FNDC3A: variants seen among roughly 807,000 people sequenced by gnomAD.
FNDC3A encodes the protein fibronectin type III domain containing 3A.
A neutral mutation model predicts 148.9 loss-of-function variants in FNDC3A; 32 were observed. That is an observed-to-expected ratio of 0.21 (90% confidence interval 0.16 to 0.29). The LOEUF is 0.29. FNDC3A is among the 10% of genes least tolerant of loss of function. The pLI is 1.00. For synonymous variants in FNDC3A, 472 were observed against 473.6 expected, an observed-to-expected ratio of 1.00 and a Z score of 0.04; for missense variants, 1,191 against 1,452.8, an observed-to-expected ratio of 0.82 and a Z score of 2.93.
intron 3 of FNDC3A, among the ~76,000 whole-genome samples, chr13:49,112,875 C>T (rs1880665084): frequency 6.6e-6 from 1 of 152,026 alleles, no homozygotes; most frequent in Non-Finnish European, 1.5e-5. Context: ...TTCTGGACAA[C>T]TTCATGTATT....
intron 7 of FNDC3A, among the ~76,000 whole-genome samples, chr13:49,142,167 A>G (rs1319161668): frequency 6.6e-6 from 1 of 152,224 alleles, no homozygotes; most frequent in Non-Finnish European, 1.5e-5. Context: ...CTGTTCATGT[A>G]GAACTGTATC....
At chr13:49,184,787 CT>C (rs998459832) in intron 14 of FNDC3A, among the ~76,000 whole-genome samples, 7 of 152,178 alleles carry the variant, frequency 4.6e-5, no homozygotes, top group African/African-American at 1.7e-4. Flanking sequence ...CGACCTCCCC[CT>C]GTGCGGTCCC....
intron 3 of FNDC3A, chr13:49,095,607 A>T (rs961489026): frequency 6.6e-6 from 1 of 152,110 alleles, no homozygotes; most frequent in African/African-American, 2.4e-5. Context: ...TATTAAAAAT[A>T]AAAACCATAC....
At chr13:48,999,889 C>T (rs1203799494) in intron 1 of FNDC3A, among the ~76,000 whole-genome samples, 1 of 152,172 alleles carries the variant, frequency 6.6e-6, no homozygotes, top group African/African-American at 2.4e-5. Flanking sequence ...ACCAAATTTG[C>T]CAGCATCTGG....
chr13:49,197,031 G>A, intron 20 of FNDC3A, 41 bp downstream of exon 20: 1 of 1,149,124 alleles, frequency 8.7e-7, no homozygotes, highest in Non-Finnish European at 1.3e-6. Flanking sequence ...TTTCTTAAGT[G>A]AATAGAATAG....
At chr13:49,189,271 C>T (rs1885753063) in intron 17 of FNDC3A, among the ~76,000 whole-genome samples, 1 of 151,590 alleles carries the variant, frequency 6.6e-6, no homozygotes, top group South Asian at 2.1e-4. Flanking sequence ...GCAACCTCTG[C>T]CTCCTGGGTT....
At chr13:49,127,752 C>G (rs913526632) in intron 4 of FNDC3A, among the ~76,000 whole-genome samples, 1 of 152,204 alleles carries the variant, frequency 6.6e-6, no homozygotes, top group South Asian at 2.1e-4. Flanking sequence ...AACTCCAAAT[C>G]TCTTCCCCTG....
intron 2 of FNDC3A, among the ~76,000 whole-genome samples, chr13:49,016,491 T>C (rs928916614): frequency 2.0e-5 from 3 of 152,212 alleles, no homozygotes; most frequent in African/African-American, 7.2e-5. Context: ...TTCTTCTCTC[T>C]TTTTTTCTTT....
chr13:49,012,924 C>T (rs1037144467), intron 2 of FNDC3A, among the ~76,000 whole-genome samples: 3 of 151,684 alleles, frequency 2.0e-5, no homozygotes, highest in African/African-American at 7.3e-5. Context: ...TATACTCTTA[C>T]TCATTTTGAG....
intron 1 of FNDC3A, among the ~76,000 whole-genome samples, chr13:48,980,167 A>G (rs1951671366): frequency 6.6e-6 from 1 of 152,200 alleles, no homozygotes; most frequent in Admixed American, 6.5e-5. Context: ...AGGAAGTGAA[A>G]GACGAAAAGC....
At position 49,175,466 on chromosome 13, in the gene FNDC3A, A is replaced by G. The variant is rs1884982342; in HGVS notation, c.1455A>G (p.Leu485=). 1 of 1,613,258 alleles carries G rather than the reference A, an allele frequency of 6.2e-7. No homozygotes were observed. Among genetic ancestry groups the G allele is most frequent in the Non-Finnish European group, 8.5e-7 (1 of 1,179,386 alleles). The change falls in exon 13 of 26, where the codon TTA becomes TTG. Residue 485 remains leucine (L), a synonymous_variant. Coordinates refer to ENST00000492622, the MANE Select transcript of FNDC3A (RefSeq NM_001079673.2). ...LTKAGITWLS[L]QWSKPSGTPS... is the part of the protein sequence containing the mutation. ...AGGCTGGAATTACTTGGTTATCCTTACAATGGAGTAAGCCCTCAGGAACAC... is the reference window on the plus strand; with the variant it reads ...AGGCTGGAATTACTTGGTTATCCTTGCAATGGAGTAAGCCCTCAGGAACAC...
At chr13:49,188,269 A>G (rs1004970668) in intron 16 of FNDC3A, among the ~76,000 whole-genome samples, 3 of 152,232 alleles carry the variant, frequency 2.0e-5, no homozygotes, top group Non-Finnish European at 2.9e-5. Flanking sequence ...TAAATTATCA[A>G]TCTAGGCCAA....
At chr13:49,137,519 A>G (rs1329279442) in intron 6 of FNDC3A, among the ~76,000 whole-genome samples, 1 of 152,044 alleles carries the variant, frequency 6.6e-6, no homozygotes, top group African/African-American at 2.4e-5. Flanking sequence ...TACTTTTTGT[A>G]TTTTTAGTAG....
chr13:49,005,103 G>A (rs2137596162), intron 1 of FNDC3A, among the ~76,000 whole-genome samples: 1 of 151,900 alleles, frequency 6.6e-6, no homozygotes, highest in South Asian at 2.1e-4. Flanking sequence ...TATTAACTAT[G>A]AAATCTTCAA....
intron 1 of FNDC3A, among the ~76,000 whole-genome samples, chr13:49,002,873 A>G (rs2137591204): frequency 6.6e-6 from 1 of 152,304 alleles, no homozygotes; most frequent in African/African-American, 2.4e-5. Context: ...AATGGCTTCT[A>G]TGAGCCGTCT....
At chr13:49,073,346 A>G (rs916758564) in intron 2 of FNDC3A, among the ~76,000 whole-genome samples, 2 of 152,142 alleles carry the variant, frequency 1.3e-5, no homozygotes, top group African/African-American at 4.8e-5. Context: ...GGTAATTTAC[A>G]AAAGAGCTGG....
At chr13:49,110,554 A>T (rs1423134464) in intron 3 of FNDC3A, 3 of 660,036 alleles carry the variant, frequency 4.5e-6, no homozygotes, top group South Asian at 3.6e-5. Context: ...AAATACAAAA[A>T]GGTTAGACTA....
chr13:49,086,611 C>T (rs186716906), intron 3 of FNDC3A, among the ~76,000 whole-genome samples: 12 of 152,272 alleles, frequency 7.9e-5, no homozygotes, highest in African/African-American at 2.6e-4. Context: ...GTCAAAACCA[C>T]ATGTAGTAGA....
At chr13:49,013,488 A>ACATGCG (rs1371799364) in intron 2 of FNDC3A, among the ~76,000 whole-genome samples, 3 of 150,294 alleles carry the variant, frequency 2.0e-5, no homozygotes, top group Non-Finnish European at 4.5e-5. Context: ...GTATACATGT[A>ACATGCG]TATACATGTA....
Sources: gnomAD v4.1 joint callset for allele counts (sites outside exome capture counted in the v4.1 genomes callset) on GRCh38, gnomAD v4.1.1 for gene constraint, MANE v1.5 for transcripts, NCBI Gene and HGNC (gene_info 2026-07-23, HGNC 2026-07-21) for gene names.